SHROOM4: variants seen among roughly 807,000 people sequenced by gnomAD.
SHROOM4 encodes protein Shroom4.
Under a neutral mutation model 80.3 loss-of-function variants are expected in SHROOM4, and 17 were observed. That is an observed-to-expected ratio of 0.21 (90% CI 0.14 to 0.32). The LOEUF is 0.32. Ranked by LOEUF, SHROOM4 falls within the 10% of genes least tolerant of loss-of-function variation. The pLI is 1.00. For synonymous variants in SHROOM4, 400 were observed against 437.5 expected, an observed-to-expected ratio of 0.91 and a Z score of 1.07; for missense variants, 993 against 1,140.3, an observed-to-expected ratio of 0.87 and a Z score of 1.86.
chrX:50,756,932 G>C (rs1935051031), intron 1 of SHROOM4, among the ~76,000 whole-genome samples: 1 of 111,805 alleles, frequency 8.9e-6, no homozygotes, highest in Non-Finnish European at 1.9e-5. Context: ...CTCAGTCTTT[G>C]AGGTGTTATT....
At chrX:50,609,712 T>A (rs968503787) in intron 5 of SHROOM4, among the ~76,000 whole-genome samples, 3 of 109,234 alleles carry the variant, frequency 2.7e-5, no homozygotes, top group Non-Finnish European at 3.8e-5. Context: ...ATATATTATA[T>A]ATGTTATATG....
chrX:50,709,633 T>C (rs1259940036), intron 1 of SHROOM4, among the ~76,000 whole-genome samples: 2 of 111,666 alleles, frequency 1.8e-5, no homozygotes, highest in East Asian at 5.7e-4. Context: ...AGAAAAGGAG[T>C]AGTCTATGTG....
intron 1 of SHROOM4, among the ~76,000 whole-genome samples, chrX:50,801,291 A>AGAGAGAG (rs782711842): frequency 3.9e-5 from 4 of 103,557 alleles, no homozygotes; most frequent in Non-Finnish European, 6.0e-5. Context: ...AGAGAGAGAG[A>AGAGAGAG]ACACGTACTG....
chrX:50,801,064 C>A (rs782044111), intron 1 of SHROOM4, among the ~76,000 whole-genome samples: 1 of 109,551 alleles, frequency 9.1e-6, no homozygotes, highest in African/African-American at 3.3e-5. Context: ...GGGTCAAGGG[C>A]TTGAAAAAAA....
At position 50,587,128 on chromosome X, in the gene SHROOM4, T is replaced by C. The variant is rs927105605; in HGVS notation, c.*9567A>G. On this transcript the variant is annotated 3_prime_UTR_variant, in exon 9 of 9. Coordinates refer to ENST00000376020, the MANE Select transcript of SHROOM4 (RefSeq NM_020717.5). ...CTTTTTTAGCTTCCACATATGAGAT[T>C]ACGCAGTATTTTTCTTTCTGTGTCT... 8.9e-6 allele frequency among the ~76,000 whole-genome samples: 1 copy of C among 111,984 alleles called. No individual in the cohort carries two copies. Among genetic ancestry groups the C allele is most frequent in the African/African-American group, 3.2e-5 (1 of 30,836 alleles).
chrX:50,774,310 ACT>A (rs782143347), intron 1 of SHROOM4, among the ~76,000 whole-genome samples: 1,308 of 110,564 alleles, frequency 0.012, 11 homozygotes, highest in Non-Finnish European at 0.02. Flanking sequence ...CAACAACAAC[ACT>A]CTTGTTGACA....
chrX:50,682,339 C>T (rs1557261883), intron 2 of SHROOM4, among the ~76,000 whole-genome samples: 1 of 111,797 alleles, frequency 8.9e-6, no homozygotes, highest in East Asian at 2.8e-4. Flanking sequence ...CCTGACAACC[C>T]AATACCCCTA....
intron 2 of SHROOM4, among the ~76,000 whole-genome samples, chrX:50,667,212 C>T (rs2147382562): frequency 9.0e-6 from 1 of 111,316 alleles, no homozygotes; most frequent in South Asian, 3.8e-4. Context: ...TATCAGAACC[C>T]AAGTTTAAGA....
Position 50,633,864 on chromosome X carries a change from G to A in SHROOM4, c.2209C>T (p.Leu737Phe), listed in dbSNP as rs782420341. Residue 737 changes from leucine to phenylalanine, a missense_variant, in exon 4 of 9, where the codon CTT (leucine) becomes TTT (phenylalanine). By Grantham distance (22) the Leu-to-Phe change is conservative. Transcript: ENST00000376020. ...GGGCCTTCCATGGCTGCTGCCACAAGTGGCTGTGAATTATGCTCTGGAGAC... is the reference window on the plus strand; with the variant it reads ...GGGCCTTCCATGGCTGCTGCCACAAATGGCTGTGAATTATGCTCTGGAGAC... ...RWSPEHNSQP[L>F]VAAAMEGPSN... 3.3e-6 allele frequency: 4 copies of A among 1,210,739 alleles called. No individual in the cohort carries two copies. The highest frequency in any genetic ancestry group is 3.4e-6 in the Non-Finnish European group (3 of 895,431).
chrX:50,767,657 C>T (rs1443857697), intron 1 of SHROOM4, among the ~76,000 whole-genome samples: 1 of 110,119 alleles, frequency 9.1e-6, no homozygotes, highest in African/African-American at 3.4e-5. Flanking sequence ...CCAGGCTGTT[C>T]TCTGAGCTTC....
rs782643380 is a variant in SHROOM4, at chrX:50,607,692, C to T, written c.3450G>A (p.Glu1150=). ...GCTCCTCTTCCTCCTCCTCTGCCTC[C>T]TCCTCCTCCTCTTCCTCTTCCTCTT... is the stretch of plus-strand genomic sequence containing the variant. The part of the protein sequence containing the change: ...EEEEEEEEEE[E]EAEEEEEELP... Residue 1150 remains glutamate (E), a synonymous_variant, in exon 6 of 9, where the codon GAG becomes GAA. Coordinates refer to ENST00000376020, the MANE Select transcript of SHROOM4 (RefSeq NM_020717.5). The T allele has an allele frequency of 8.4e-7, 1 of 1,190,516 alleles. No individual in the cohort carries two copies. The highest frequency in any genetic ancestry group is 1.1e-6 in the Non-Finnish European group (1 of 882,059).
intron 4 of SHROOM4, among the ~76,000 whole-genome samples, chrX:50,628,600 C>A (rs1930911474): frequency 8.9e-6 from 1 of 111,740 alleles, no homozygotes. Context: ...GTTTTATTAC[C>A]TTTGCCCCAG....
chrX:50,657,636 G>A (rs1359176255), intron 2 of SHROOM4, among the ~76,000 whole-genome samples: 1 of 110,650 alleles, frequency 9.0e-6, no homozygotes, highest in East Asian at 2.8e-4. Flanking sequence ...GAAGGTGGGG[G>A]TAGGTGAATC....
intron 1 of SHROOM4, among the ~76,000 whole-genome samples, chrX:50,725,928 G>A (rs1283256397): frequency 5.3e-5 from 6 of 112,214 alleles, no homozygotes; most frequent in African/African-American, 1.3e-4. Flanking sequence ...GAAGAGACAG[G>A]AAGATGTGGG....
intron 1 of SHROOM4, among the ~76,000 whole-genome samples, chrX:50,739,363 G>A (rs1383046144): frequency 1.5e-4 from 17 of 111,448 alleles, no homozygotes; most frequent in African/African-American, 4.9e-4. Context: ...CTTCTGCACA[G>A]CAAAAGAAAC....
At chrX:50,778,919 C>T (rs1431113757) in intron 1 of SHROOM4, among the ~76,000 whole-genome samples, 3 of 111,413 alleles carry the variant, frequency 2.7e-5, no homozygotes, top group Non-Finnish European at 5.6e-5. Context: ...TTGCCTCATC[C>T]GTGAAATGAA....
At chrX:50,796,939 T>C (rs1173775748) in intron 1 of SHROOM4, among the ~76,000 whole-genome samples, 1 of 106,695 alleles carries the variant, frequency 9.4e-6, no homozygotes, top group Non-Finnish European at 1.9e-5. Flanking sequence ...AAAAAAGAAA[T>C]ATTCCAGTGA....
At chrX:50,578,315 T>C in the SHROOM4 span, among the ~76,000 whole-genome samples, 1 of 112,482 alleles carries the variant, frequency 8.9e-6, no homozygotes, top group African/African-American at 3.2e-5. Context: ...TTTATTTTTA[T>C]AAATTTTTTG....
chrX:50,806,545 C>G (rs781985714), intron 1 of SHROOM4, among the ~76,000 whole-genome samples: 1 of 112,177 alleles, frequency 8.9e-6, no homozygotes, highest in African/African-American at 3.2e-5. Context: ...AATCTTTAGC[C>G]ATAAAAAATA....
Sources: gnomAD v4.1 joint callset for allele counts (sites outside exome capture counted in the v4.1 genomes callset) on GRCh38, gnomAD v4.1.1 for gene constraint, MANE v1.5 for transcripts, NCBI Gene and HGNC (gene_info 2026-07-23, HGNC 2026-07-21) for gene names.